The following PAWR variants were observed in gnomAD, a reference collection of about 807,000 sequenced individuals.
PAWR encodes the protein PRKC apoptosis WT1 regulator protein.
Under a neutral mutation model 32.0 loss-of-function variants are expected in PAWR, and 23 were observed. That is an observed-to-expected ratio of 0.72 (90% CI 0.52 to 1.02). The LOEUF (loss-of-function observed/expected upper bound fraction) is 1.02, where lower values mean the gene tolerates loss of function less well. Ranked by LOEUF, PAWR falls within the 50% of genes least tolerant of loss-of-function variation. The probability of loss-of-function intolerance (pLI) is 0.00; values close to 1 mark genes in which losing one functional copy is unlikely to be tolerated. For missense variants in PAWR, 457 were observed against 437.7 expected (o/e 1.04, Z -0.39); for synonymous variants, 226 against 187.1 (o/e 1.21, Z -1.70).
intron 2 of PAWR, among the ~76,000 whole-genome samples, chr12:79,685,541 G>A (rs1186161089): frequency 6.6e-6 from 1 of 152,142 alleles, no homozygotes; most frequent in African/African-American, 2.4e-5. Context: ...AAACTATGGA[G>A]TAGGTGTCAT....
chr12:79,689,675 G>T lies in PAWR; in HGVS notation c.516+54C>A, dbSNP rs565757747. 6 of 1,517,194 alleles carry T rather than the reference G, an allele frequency of 4.0e-6. No individual in the cohort carries two copies. In the Admixed American group the frequency reaches 1.2e-4, roughly 31 times the overall value. The allele number at this position is 1,517,194 out of a possible 1,614,324, so 94.0% of individuals were successfully genotyped here. A position where few individuals can be genotyped will look rare whatever the true frequency, so the allele number is the denominator to read the frequency against. On this transcript the variant is annotated intron_variant, in intron 2 of 6. Transcript: ENST00000328827. ...GGGTAGCTCCCAGGAGGAAGACACC[G>T]GGAGGCAGCTGCCCGCCCCGGCCCG...
chr12:79,666,684 A>G (rs1357661753), intron 2 of PAWR, among the ~76,000 whole-genome samples: 1 of 152,214 alleles, frequency 6.6e-6, no homozygotes, highest in Non-Finnish European at 1.5e-5. Flanking sequence ...AATTTTCTAA[A>G]TTTTTGTTTG....
intron 4 of PAWR, among the ~76,000 whole-genome samples, chr12:79,607,935 G>A (rs1415736273): frequency 6.6e-6 from 1 of 151,698 alleles, no homozygotes; most frequent in Non-Finnish European, 1.5e-5. Flanking sequence ...TGTAATCCCA[G>A]CTACTCAGGA....
chr12:79,600,757 G>A (rs1873931400), intron 4 of PAWR, among the ~76,000 whole-genome samples: 1 of 151,114 alleles, frequency 6.6e-6, no homozygotes, highest in African/African-American at 2.4e-5. Flanking sequence ...GGGATTACAG[G>A]CATAAGCCAG....
intron 2 of PAWR, among the ~76,000 whole-genome samples, chr12:79,646,101 T>C (rs779321203): frequency 6.6e-6 from 1 of 152,132 alleles, no homozygotes; most frequent in African/African-American, 2.4e-5. Context: ...AATATTTGCA[T>C]TACATTGATT....
chr12:79,670,295 G>C (rs1877828554), intron 2 of PAWR, among the ~76,000 whole-genome samples: 1 of 152,126 alleles, frequency 6.6e-6, no homozygotes, highest in East Asian at 1.9e-4. Flanking sequence ...GAAAAGGCTG[G>C]TTGGTTGGTT....
chr12:79,614,752 T>A (rs1874643202), intron 3 of PAWR, among the ~76,000 whole-genome samples: 1 of 152,226 alleles, frequency 6.6e-6, no homozygotes, highest in South Asian at 2.1e-4. Context: ...GCTACCTTTA[T>A]AAGATAACCA....
In PAWR at chr12:79,669,261, T is replaced by C. The variant is rs757100281; in HGVS notation, c.516+20468A>G. Among the ~76,000 whole-genome samples, 85 of 152,178 alleles carry C rather than the reference T, an allele frequency of 5.6e-4. 1 individual carries two copies. Among genetic ancestry groups the C allele is most frequent in the Non-Finnish European group, 8.1e-4 (55 of 68,024 alleles). On this transcript the variant is annotated intron_variant, in intron 2 of 6. Transcript: ENST00000328827. ...CTTGTACAATGATGTTAATAGAACT[T>C]AAAAAGTAATTTGCAAAATAGATTT...
At chr12:79,640,402 TC>T (rs1312947166) in intron 2 of PAWR, among the ~76,000 whole-genome samples, 5 of 152,122 alleles carry the variant, frequency 3.3e-5, no homozygotes, top group Admixed American at 3.3e-4. Flanking sequence ...AGTAGGCAAT[TC>T]AACCTTTATG....
At chr12:79,611,355 A>ATG (rs1874434455) in intron 4 of PAWR, among the ~76,000 whole-genome samples, 1 of 149,064 alleles carries the variant, frequency 6.7e-6, no homozygotes, top group Non-Finnish European at 1.5e-5. Flanking sequence ...ATATATATAT[A>ATG]AAAAATAAGT....
chr12:79,605,381 A>G (rs1044244819), intron 4 of PAWR, among the ~76,000 whole-genome samples: 1 of 152,184 alleles, frequency 6.6e-6, no homozygotes, highest in Non-Finnish European at 1.5e-5. Context: ...ATAGTTTATT[A>G]TATACAGTAG....
In PAWR at chr12:79,639,380, T is replaced by A. The variant is rs372131690; in HGVS notation, c.517-18173A>T. ...ACATATTTTCCTAGTAAAATACTTATGTCAATACATTTTACTTAATGTATA... is the reference window on the plus strand; with the variant it reads ...ACATATTTTCCTAGTAAAATACTTAAGTCAATACATTTTACTTAATGTATA... On this transcript the variant is annotated intron_variant, in intron 2 of 6. Transcript: ENST00000328827. Among the ~76,000 whole-genome samples, 11 of 152,332 alleles carry A rather than the reference T, an allele frequency of 7.2e-5. 1 individual carries two copies. The highest frequency in any genetic ancestry group is 3.9e-4 in the Admixed American group (6 of 15,296).
chr12:79,636,929 T>C (rs2136759430), intron 2 of PAWR, among the ~76,000 whole-genome samples: 1 of 152,250 alleles, frequency 6.6e-6, no homozygotes, highest in East Asian at 1.9e-4. Context: ...TTGCAAAGTA[T>C]AAACACTCCT....
chr12:79,644,598 C>T (rs1047175960), intron 2 of PAWR, among the ~76,000 whole-genome samples: 1 of 152,028 alleles, frequency 6.6e-6, no homozygotes, highest in Admixed American at 6.6e-5. Flanking sequence ...CAAAAACTTT[C>T]GTCAATGATT....
chr12:79,665,509 G>A (rs539912353), intron 2 of PAWR, among the ~76,000 whole-genome samples: 17 of 152,054 alleles, frequency 1.1e-4, no homozygotes, highest in East Asian at 7.7e-4. Flanking sequence ...TAAAAATTCC[G>A]TAAGTCAATT....
intron 2 of PAWR, among the ~76,000 whole-genome samples, chr12:79,650,115 G>A (rs1876769706): frequency 6.6e-6 from 1 of 152,178 alleles, no homozygotes; most frequent in Admixed American, 6.5e-5. Flanking sequence ...AGGGTCTGCA[G>A]CCCAGGGTTT....
chr12:79,599,165 C>G (rs1286370404), intron 4 of PAWR, among the ~76,000 whole-genome samples: 1 of 152,178 alleles, frequency 6.6e-6, no homozygotes, highest in African/African-American at 2.4e-5. Flanking sequence ...TGCAAAAACA[C>G]CAAGAGTTCA....
Position 79,689,754 on chromosome 12 carries a change from C to A in PAWR, c.491G>T (p.Gly164Val). 1 of 1,574,996 alleles carries A rather than the reference C, an allele frequency of 6.3e-7. No individual in the cohort carries two copies. The highest frequency in any genetic ancestry group is 8.6e-7 in the Non-Finnish European group (1 of 1,162,828). The stretch of plus-strand genomic sequence containing the variant: ...CTCTGCGGCAGGGATGTTGACCACG[C>A]CGGTGGAGCGCCGCTTCTCCCGCAG... ...RKLREKRRST[G>V]VVNIPAAECL... The change falls in exon 2 of 7, where the codon GGC becomes GTC. Residue 164 changes from glycine to valine, a missense_variant. Gly to Val is a moderately radical substitution (Grantham distance 109). Coordinates refer to ENST00000328827, the MANE Select transcript of PAWR (RefSeq NM_002583.4).
chr12:79,669,270 A>G (rs895069171), intron 2 of PAWR, among the ~76,000 whole-genome samples: 1 of 152,224 alleles, frequency 6.6e-6, no homozygotes, highest in African/African-American at 2.4e-5. Flanking sequence ...TTAAAAAGTA[A>G]TTTGCAAAAT....
Sources: allele counts gnomAD v4.1 joint callset (sites outside exome capture counted in the v4.1 genomes callset), GRCh38; gene constraint gnomAD v4.1.1; transcripts MANE v1.5; gene names NCBI Gene and HGNC (gene_info 2026-07-23, HGNC 2026-07-21).